Variants in CTNNA2 observed in about 807,000 individuals in gnomAD.
The protein encoded by CTNNA2 is catenin alpha-2.
CTNNA2 carries 42 observed loss-of-function variants against 101.0 expected under a neutral mutation model. That is an observed-to-expected ratio of 0.42 (90% CI 0.32 to 0.54). CTNNA2 has a LOEUF of 0.54. Among genes scored for constraint, CTNNA2 ranks in the 20% least tolerant of loss-of-function variants. The pLI, the probability that CTNNA2 is intolerant of heterozygous loss-of-function variation, is 0.14. For synonymous variants in CTNNA2, 450 were observed against 456.4 expected, an observed-to-expected ratio of 0.99 and a Z score of 0.18; for missense variants, 871 against 1,223.1, an observed-to-expected ratio of 0.71 and a Z score of 4.29.
intron 18 of CTNNA2, among the ~76,000 whole-genome samples, chr2:80,643,462 T>C (rs1402658259): frequency 3.3e-5 from 5 of 152,108 alleles, no homozygotes; most frequent in Admixed American, 6.5e-5. Context: ...GTTAAATGTA[T>C]GCCCTTGTTT....
chr2:79,959,697 G>A (rs1689498355), intron 7 of CTNNA2, among the ~76,000 whole-genome samples: 1 of 152,200 alleles, frequency 6.6e-6, no homozygotes, highest in Non-Finnish European at 1.5e-5. Context: ...TAGTGGTTTT[G>A]TGGCCCCTTC....
chr2:79,832,889 T>C (rs986842152), intron 3 of CTNNA2, among the ~76,000 whole-genome samples: 1 of 152,244 alleles, frequency 6.6e-6, no homozygotes, highest in Non-Finnish European at 1.5e-5. Flanking sequence ...TTTTTACTAT[T>C]CTCGTAAATT....
intron 2 of CTNNA2, among the ~76,000 whole-genome samples, chr2:79,294,970 C>T (rs1675941262): frequency 6.6e-6 from 1 of 150,912 alleles, no homozygotes; most frequent in South Asian, 2.1e-4. Flanking sequence ...TGCCTACAAA[C>T]ACAATTGCAC....
chr2:79,881,209 C>T (rs988158812), intron 6 of CTNNA2, among the ~76,000 whole-genome samples: 3 of 152,074 alleles, frequency 2.0e-5, no homozygotes, highest in African/African-American at 7.2e-5. Context: ...TTGCATTTGC[C>T]AAGGAGTGTT....
At chr2:80,000,765 T>A (rs1326444887) in intron 7 of CTNNA2, among the ~76,000 whole-genome samples, 2 of 152,200 alleles carry the variant, frequency 1.3e-5, no homozygotes, top group Non-Finnish European at 2.9e-5. Context: ...TCAAGAGGGC[T>A]TTTGCTGTGC....
chr2:79,411,771 G>T (rs953238854), intron 4 of CTNNA2, among the ~76,000 whole-genome samples: 1 of 152,228 alleles, frequency 6.6e-6, no homozygotes, highest in African/African-American at 2.4e-5. Context: ...GGAACAACCA[G>T]TTCCAGCTGC....
chr2:79,344,737 T>A (rs918749973), intron 3 of CTNNA2, among the ~76,000 whole-genome samples: 1 of 150,268 alleles, frequency 6.7e-6, no homozygotes, highest in African/African-American at 2.4e-5. Context: ...ACATGTTCAA[T>A]CTCTTGCAAG....
chr2:79,918,415 C>T (rs1686413601), intron 7 of CTNNA2, among the ~76,000 whole-genome samples: 1 of 152,142 alleles, frequency 6.6e-6, no homozygotes, highest in Non-Finnish European at 1.5e-5. Flanking sequence ...AGCCTGATGA[C>T]CCAGCTAGAT....
Position 79,651,628 on chromosome 2 carries a change from G to A in CTNNA2, c.72G>A (p.Val24=). The change falls in exon 2 of 19, where the codon GTG becomes GTA. Residue 24 remains valine (V), a synonymous_variant. Transcript: ENST00000402739. ...PKSLEIRTLT[V]ERLLEPLVTQ... ...GTTTGGAAATCCGGACGCTAACAGTGGAAAGGCTGTTGGAGCCACTTGTTA... is the reference window on the plus strand; with the variant it reads ...GTTTGGAAATCCGGACGCTAACAGTAGAAAGGCTGTTGGAGCCACTTGTTA... 1.2e-6 allele frequency: 2 copies of A among 1,613,768 alleles called. No individual in the cohort carries two copies. The highest frequency in any genetic ancestry group is 1.7e-6 in the Non-Finnish European group (2 of 1,179,804).
intron 1 of CTNNA2, among the ~76,000 whole-genome samples, chr2:79,590,278 T>C (rs1274643300): frequency 6.6e-6 from 1 of 152,236 alleles, no homozygotes; most frequent in Non-Finnish European, 1.5e-5. Context: ...GGAAAGACTT[T>C]TTTCTTGTTC....
At chr2:79,381,112 C>G (rs1176513308) in intron 4 of CTNNA2, among the ~76,000 whole-genome samples, 1 of 152,142 alleles carries the variant, frequency 6.6e-6, no homozygotes. Context: ...GCTTTATTCT[C>G]TTAGCAAGAT....
chr2:80,335,961 T>C (rs1303250579), intron 7 of CTNNA2, among the ~76,000 whole-genome samples: 2 of 152,154 alleles, frequency 1.3e-5, no homozygotes. Flanking sequence ...ACTCTCCCAA[T>C]TCCAAATGCT....
chr2:80,326,269 T>C (rs1679233260), intron 7 of CTNNA2, among the ~76,000 whole-genome samples: 1 of 152,204 alleles, frequency 6.6e-6, no homozygotes. Flanking sequence ...CATGCTGAAA[T>C]AATAACACAC....
chr2:80,483,088 A>G (rs1235743576), intron 9 of CTNNA2, among the ~76,000 whole-genome samples: 1 of 152,182 alleles, frequency 6.6e-6, no homozygotes, highest in African/African-American at 2.4e-5. Flanking sequence ...TGCTTTTGCA[A>G]ACTGATATAT....
At chr2:79,978,288 C>A (rs1282379388) in intron 7 of CTNNA2, among the ~76,000 whole-genome samples, 2 of 152,134 alleles carry the variant, frequency 1.3e-5, no homozygotes, top group Admixed American at 1.3e-4. Flanking sequence ...CACAGTTATT[C>A]ATCAGGAGAG....
intron 7 of CTNNA2, among the ~76,000 whole-genome samples, chr2:79,992,480 G>A (rs1692251619): frequency 6.6e-6 from 1 of 151,996 alleles, no homozygotes; most frequent in African/African-American, 2.4e-5. Flanking sequence ...TACAGTTGTT[G>A]GTAAAAACCT....
intron 7 of CTNNA2, among the ~76,000 whole-genome samples, chr2:80,199,006 C>T (rs1195981189): frequency 6.6e-6 from 1 of 151,626 alleles, no homozygotes; most frequent in Non-Finnish European, 1.5e-5. Context: ...CATAGTGAAA[C>T]CCCGTCTCTA....
At chr2:80,260,510 T>C (rs1672526548) in intron 7 of CTNNA2, among the ~76,000 whole-genome samples, 1 of 152,214 alleles carries the variant, frequency 6.6e-6, no homozygotes, top group African/African-American at 2.4e-5. Flanking sequence ...AGAGGCTACA[T>C]CTGTTTATTT....
At chr2:79,843,909 T>A (rs1046362586) in intron 3 of CTNNA2, among the ~76,000 whole-genome samples, 1 of 152,222 alleles carries the variant, frequency 6.6e-6, no homozygotes, top group African/African-American at 2.4e-5. Flanking sequence ...GTTAGCTTAT[T>A]AATCCTTATT....
Sources: gnomAD v4.1 joint callset for allele counts (sites outside exome capture counted in the v4.1 genomes callset) on GRCh38, gnomAD v4.1.1 for gene constraint, MANE v1.5 for transcripts, NCBI Gene and HGNC (gene_info 2026-07-23, HGNC 2026-07-21) for gene names.